Variants in AGBL3 observed in about 807,000 individuals in gnomAD.
AGBL3 encodes the protein AGBL carboxypeptidase 3, also known as cytosolic carboxypeptidase 3.
In AGBL3, 68 loss-of-function variants were observed where a neutral mutation model predicts 94.5. The observed-to-expected ratio is 0.72, with a 90% CI of 0.59 to 0.88. AGBL3 has a LOEUF of 0.88. AGBL3 is among the 40% of genes least tolerant of loss of function. AGBL3 has a pLI of 0.00. For synonymous variants in AGBL3, 354 were observed against 370.7 expected, an observed-to-expected ratio of 0.95 and a Z score of 0.52; for missense variants, 934 against 1,103.8, an observed-to-expected ratio of 0.85 and a Z score of 2.18.
chr7:135,034,722 C>T lies in AGBL3; in HGVS notation c.1131C>T (p.Phe377=). Residue 377 remains phenylalanine, a synonymous_variant, in exon 7 of 17, where the codon TTC becomes TTT. Coordinates refer to ENST00000436302, the MANE Select transcript of AGBL3 (RefSeq NM_178563.4). ...ACAGCTCTTGGATCATGAAAGGCTT[C>T]CTAGATTATATTTTAGGAAACTCAA... is the stretch of plus-strand genomic sequence containing the variant. ...ETNSSWIMKG[F]LDYILGNSSD... The T allele has an allele frequency of 6.4e-7, 1 of 1,550,852 alleles. No individual in the cohort carries two copies. The highest frequency in any genetic ancestry group is 8.7e-7 in the Non-Finnish European group (1 of 1,146,646).
chr7:135,072,099 G>A (rs983060110), intron 12 of AGBL3, among the ~76,000 whole-genome samples: 47 of 152,194 alleles, frequency 3.1e-4, no homozygotes, highest in African/African-American at 7.0e-4. Context: ...AAAAGTGGGC[G>A]AAGGATATGA....
intron 11 of AGBL3, among the ~76,000 whole-genome samples, chr7:135,048,312 A>G (rs1212491464): frequency 6.6e-6 from 1 of 151,746 alleles, no homozygotes; most frequent in African/African-American, 2.4e-5. Context: ...TTTTCTCAGG[A>G]TTGATTTGAT....
chr7:135,104,481 T>C (rs886569822), intron 15 of AGBL3, among the ~76,000 whole-genome samples: 1 of 152,206 alleles, frequency 6.6e-6, no homozygotes, highest in Non-Finnish European at 1.5e-5. Context: ...TAATTCTGTT[T>C]TTAGCTCCTT....
At chr7:135,097,855 A>G (rs1823147215) in intron 15 of AGBL3, among the ~76,000 whole-genome samples, 1 of 152,176 alleles carries the variant, frequency 6.6e-6, no homozygotes, top group African/African-American at 2.4e-5. Context: ...ACTCAAAAAT[A>G]TGTCACCAGA....
Position 135,045,512 on chromosome 7 carries a change from G to C in AGBL3, c.1666G>C (p.Glu556Gln). The change falls in exon 10 of 17, where the codon GAA becomes CAA. Residue 556 changes from glutamate (E) to glutamine (Q), a missense_variant. Around this residue, in one of 3 missense-constraint regions of AGBL3, gnomAD observed 441 missense variants for 518.2 expected, o/e 0.85. Transcript: ENST00000436302. ...RGTHFSTKDL[E>Q]SMGYHFCDSL... ...CACTCATTTCAGCACGAAAGACCTGGAATCAATGGGATATCATTTTTGTGA... is the reference window on the plus strand; with the variant it reads ...CACTCATTTCAGCACGAAAGACCTGCAATCAATGGGATATCATTTTTGTGA... 21 of 1,551,192 alleles carry C rather than the reference G, an allele frequency of 1.4e-5. No homozygotes were observed. The highest frequency in any genetic ancestry group is 1.7e-5 in the Non-Finnish European group (19 of 1,146,626).
Position 135,037,501 on chromosome 7 carries a change from A to G in AGBL3, c.1421A>G (p.Asp474Gly), listed in dbSNP as rs74377974. The G allele has an allele frequency of 6.5e-7, 1 of 1,549,812 alleles. No homozygotes were observed. The highest frequency in any genetic ancestry group is 1.2e-5 in the South Asian group (1 of 83,824). The stretch of plus-strand genomic sequence containing the variant: ...GAGAACATCTTCATGTATGGCTGTG[A>G]TGGTAGTGACAGATCTAAGACATTA... ...RKENIFMYGC[D>G]GSDRSKTLYL... Residue 474 changes from aspartate (D) to glycine (G), a missense_variant, in exon 8 of 17, where the codon GAT (aspartate) becomes GGT (glycine). By Grantham distance (94) the Asp-to-Gly change is moderately conservative. This residue lies in a region of AGBL3 where 441 missense variants were observed against 518.2 expected (regional missense o/e 0.85). Coordinates refer to ENST00000436302, the MANE Select transcript of AGBL3 (RefSeq NM_178563.4).
chr7:135,025,629 T>C (rs1815005173), intron 5 of AGBL3, among the ~76,000 whole-genome samples: 1 of 151,464 alleles, frequency 6.6e-6, no homozygotes, highest in African/African-American at 2.4e-5. Flanking sequence ...ACAGACCACT[T>C]AAAAGGCATA....
Position 135,045,843 on chromosome 7 carries a change from AAC to A in AGBL3, c.1774_1775del (p.Thr592ProfsTer6). ...KELEEMERHI[T>X]LEKVFEDSDT... ...AATTAGAAGAAATGGAAAGACATAT[AAC>A]CCTGGAAAAAGTCTTTGAGGATTCA... On this transcript the variant is annotated frameshift_variant, in exon 11 of 17. Transcript: ENST00000436302. LOFTEE classifies it high-confidence loss of function. 9 of 1,550,940 alleles carry A rather than the reference AAC, an allele frequency of 5.8e-6. No individual in the cohort carries two copies. The highest frequency in any genetic ancestry group is 7.9e-6 in the Non-Finnish European group (9 of 1,146,394).
Position 135,001,161 on chromosome 7 carries a change from G to A in AGBL3, c.310+7483G>A, listed in dbSNP as rs182032944. Reference sequence around the variant, plus strand: ...ACATGAAGTCCATTTAAATATTTCCGTTTTAATCTCAACTTTCACCTTAAT... The same window carrying A: ...ACATGAAGTCCATTTAAATATTTCCATTTTAATCTCAACTTTCACCTTAAT... On this transcript the variant is annotated intron_variant, in intron 4 of 16. Coordinates refer to ENST00000436302, the MANE Select transcript of AGBL3 (RefSeq NM_178563.4). Among the ~76,000 whole-genome samples the A allele has an allele frequency of 2.2e-4, 34 of 152,276 alleles. No individual in the cohort carries two copies. In the East Asian group the frequency reaches 2.9e-3, roughly 13 times the overall value.
intron 15 of AGBL3, among the ~76,000 whole-genome samples, chr7:135,113,666 G>T (rs1825939261): frequency 6.6e-6 from 1 of 152,176 alleles, no homozygotes; most frequent in Admixed American, 6.5e-5. Context: ...TCTAAATTGT[G>T]ATAAAATACA....
At chr7:135,015,883 T>C (rs1268531229) in intron 4 of AGBL3, among the ~76,000 whole-genome samples, 2 of 114,396 alleles carry the variant, frequency 1.7e-5, no homozygotes, top group Non-Finnish European at 3.9e-5. Context: ...AAAAAAAAAT[T>C]AGCCGGGCGT....
Position 135,067,098 on chromosome 7 carries a change from C to G in AGBL3, c.1908+7863C>G, listed in dbSNP as rs62479661. Among the ~76,000 whole-genome samples the G allele has an allele frequency of 2.0e-5, 3 of 152,186 alleles. No homozygotes were observed. The South Asian group carries it at 6.2e-4, about 32-fold the overall frequency. ...CACACCAGGAGATTATATCCTGCGC[C>G]TGGCTCAGAGGGTCCTACACCCATG... On this transcript the variant is annotated intron_variant, in intron 12 of 16. Transcript: ENST00000436302.
chr7:135,054,385 A>C (rs971361379), intron 11 of AGBL3, among the ~76,000 whole-genome samples: 1 of 152,224 alleles, frequency 6.6e-6, no homozygotes, highest in African/African-American at 2.4e-5. Flanking sequence ...TGCTGCTGAA[A>C]AAGGAAGCAT....
chr7:135,032,932 G>C lies in AGBL3; in HGVS notation c.507G>C (p.Leu169Phe). The part of the protein sequence containing the change: ...KQPVDYRDNT[L>F]MFEARFESGN... ...CTGTGGATTACCGTGACAATACTTT[G>C]ATGTTTGAAGCAAGGTTTGAGAGTG... Residue 169 changes from leucine (L) to phenylalanine (F), a missense_variant, in exon 6 of 17, where the codon TTG (leucine) becomes TTC (phenylalanine). Transcript: ENST00000436302. The C allele has an allele frequency of 6.4e-7, 1 of 1,551,522 alleles. No individual in the cohort carries two copies. Among genetic ancestry groups the C allele is most frequent in the South Asian group, 1.2e-5 (1 of 83,956 alleles).
At chr7:135,109,236 T>C (rs1233150626) in intron 15 of AGBL3, among the ~76,000 whole-genome samples, 2 of 152,222 alleles carry the variant, frequency 1.3e-5, no homozygotes, top group African/African-American at 4.8e-5. Context: ...ATGCAGTCAT[T>C]TGAAGGACAT....
At chr7:135,061,544 C>A (rs1203542546) in intron 12 of AGBL3, among the ~76,000 whole-genome samples, 1 of 152,052 alleles carries the variant, frequency 6.6e-6, no homozygotes, top group Non-Finnish European at 1.5e-5. Flanking sequence ...AGTCTTTAAT[C>A]CAATTTTAGT....
intron 7 of AGBL3, among the ~76,000 whole-genome samples, chr7:135,036,266 T>A (rs905733479): frequency 1.3e-5 from 2 of 152,148 alleles, no homozygotes; most frequent in African/African-American, 4.8e-5. Flanking sequence ...TATTAGTCAT[T>A]TTATCAATCA....
intron 16 of AGBL3, among the ~76,000 whole-genome samples, chr7:135,126,808 C>G (rs1827937651): frequency 6.6e-6 from 1 of 152,202 alleles, no homozygotes; most frequent in South Asian, 2.1e-4. Flanking sequence ...GGAAAACTGG[C>G]TAGCCATGTG....
At chr7:135,024,911 C>T (rs544770219) in intron 5 of AGBL3, among the ~76,000 whole-genome samples, 2 of 148,878 alleles carry the variant, frequency 1.3e-5, no homozygotes, top group South Asian at 2.4e-4. Flanking sequence ...TAAACTCATA[C>T]AAAAATACAG....
Sources: allele counts gnomAD v4.1 joint callset (sites outside exome capture counted in the v4.1 genomes callset), GRCh38; gene constraint gnomAD v4.1.1; regional missense constraint gnomAD v4.1.1; transcripts MANE v1.5; gene names NCBI Gene and HGNC (gene_info 2026-07-23, HGNC 2026-07-21).